Variants in LRRIQ1 observed in about 807,000 individuals in gnomAD.
LRRIQ1 encodes the protein leucine-rich repeat- and IQ domain-containing protein 1.
LRRIQ1 carries 210 observed loss-of-function variants against 211.9 expected under a neutral mutation model. That is an observed-to-expected ratio of 0.99 (90% CI 0.89 to 1.11). LRRIQ1 has a LOEUF of 1.11. LRRIQ1 is among the 50% of genes most tolerant of loss of function. LRRIQ1 has a pLI of 0.00. For missense variants in LRRIQ1, 2,136 were observed against 1,939.5 expected (o/e 1.10, Z -1.90); for synonymous variants, 699 against 650.1 (o/e 1.08, Z -1.14).
chr12:85,225,161 A>G (rs1459169045), intron 24 of LRRIQ1, among the ~76,000 whole-genome samples: 1 of 152,104 alleles, frequency 6.6e-6, no homozygotes, highest in Non-Finnish European at 1.5e-5. Flanking sequence ...TCCTAAAAAA[A>G]TTAGTATAAC....
At chr12:85,156,031 A>C (rs1348745472) in intron 23 of LRRIQ1, among the ~76,000 whole-genome samples, 1 of 151,704 alleles carries the variant, frequency 6.6e-6, no homozygotes, top group East Asian at 1.9e-4. Flanking sequence ...CCAGACATCC[A>C]GCTTAATGAC....
At chr12:85,144,948 GT>G (rs1027031691) in intron 19 of LRRIQ1, among the ~76,000 whole-genome samples, 13 of 150,554 alleles carry the variant, frequency 8.6e-5, no homozygotes, top group African/African-American at 2.7e-4. Flanking sequence ...TTTGTTTTTT[GT>G]TTTTTTGTTT....
At chr12:85,143,813 C>T (rs1237568486) in intron 19 of LRRIQ1, among the ~76,000 whole-genome samples, 4 of 151,536 alleles carry the variant, frequency 2.6e-5, no homozygotes, top group African/African-American at 7.3e-5. Context: ...ATACCTGGAT[C>T]ACTTGCAGAT....
intron 24 of LRRIQ1, among the ~76,000 whole-genome samples, chr12:85,163,481 G>T (rs570053030): frequency 6.6e-6 from 1 of 152,160 alleles, no homozygotes; most frequent in South Asian, 2.1e-4. Flanking sequence ...TGTTGAAATT[G>T]GATCATACTG....
chr12:85,252,721 T>C (rs1018084019), intron 1 of LRRIQ1, among the ~76,000 whole-genome samples: 2 of 151,828 alleles, frequency 1.3e-5, no homozygotes, highest in Non-Finnish European at 2.9e-5. Flanking sequence ...AGTATATTAA[T>C]GGACCAAAAT....
At chr12:85,183,856 A>G (rs1383516850) in intron 24 of LRRIQ1, among the ~76,000 whole-genome samples, 1 of 152,094 alleles carries the variant, frequency 6.6e-6, no homozygotes, top group African/African-American at 2.4e-5. Flanking sequence ...TTGTTTGTTT[A>G]CTGTTATACT....
intron 19 of LRRIQ1, 114 bp from the exon 20 acceptor site, chr12:85,152,166 A>G: frequency 2.6e-6 from 2 of 772,998 alleles, no homozygotes; most frequent in African/African-American, 3.6e-5. Flanking sequence ...AATTTCCTGT[A>G]AATAAAAATT....
chr12:85,183,148 A>G (rs1892066270), intron 24 of LRRIQ1, among the ~76,000 whole-genome samples: 1 of 152,186 alleles, frequency 6.6e-6, no homozygotes, highest in African/African-American at 2.4e-5. Flanking sequence ...GTAGAATAAA[A>G]CAATTTCTTA....
At chr12:85,067,671 C>T (rs1882587621) in intron 10 of LRRIQ1, among the ~76,000 whole-genome samples, 1 of 151,768 alleles carries the variant, frequency 6.6e-6, no homozygotes, top group African/African-American at 2.4e-5. Context: ...TGTACCACTA[C>T]AGTCAACCAG....
chr12:85,061,510 G>A (rs1208622748), intron 8 of LRRIQ1, among the ~76,000 whole-genome samples: 1 of 151,644 alleles, frequency 6.6e-6, no homozygotes, highest in Non-Finnish European at 1.5e-5. Context: ...ACTATAATAA[G>A]ATTAAAGGAC....
At chr12:85,070,360 A>G (rs995925355) in intron 10 of LRRIQ1, among the ~76,000 whole-genome samples, 19 of 152,000 alleles carry the variant, frequency 1.3e-4, no homozygotes, top group African/African-American at 4.3e-4. Context: ...ACCTGGATCA[A>G]TTAATGCAGC....
chr12:85,164,333 G>T (rs758140424), intron 24 of LRRIQ1, among the ~76,000 whole-genome samples: 1 of 152,182 alleles, frequency 6.6e-6, no homozygotes, highest in South Asian at 2.1e-4. Flanking sequence ...TGTCTTTATC[G>T]TTTATTAGCT....
intron 15 of LRRIQ1, among the ~76,000 whole-genome samples, chr12:85,112,304 C>A (rs1887234457): frequency 6.6e-6 from 1 of 151,468 alleles, no homozygotes; most frequent in Non-Finnish European, 1.5e-5. Flanking sequence ...ATTATTTCCT[C>A]TCTTTTATTT....
chr12:85,197,433 G>A (rs1434886988), intron 24 of LRRIQ1, among the ~76,000 whole-genome samples: 3 of 151,310 alleles, frequency 2.0e-5, no homozygotes, highest in African/African-American at 4.8e-5. Context: ...CAACCCAAAT[G>A]TCCAACAATG....
chr12:85,228,540 C>A (rs1894780921), intron 24 of LRRIQ1, among the ~76,000 whole-genome samples: 2 of 152,302 alleles, frequency 1.3e-5, no homozygotes, highest in South Asian at 4.1e-4. Context: ...AGATTTTACG[C>A]TTTCCAGAGA....
chr12:85,056,264 C>G lies in LRRIQ1; in HGVS notation c.1471C>G (p.Arg491Gly). The stretch of plus-strand genomic sequence containing the variant: ...AAAAAATGAAAACCTAGCAAAAAAA[C>G]GATGTTCAGAAGAATTGGTCAAGCA... The part of the protein sequence containing the change: ...EEKNENLAKK[R>G]CSEELVKQER... Residue 491 changes from arginine (R) to glycine (G), a missense_variant, in exon 8 of 27, where the codon CGA becomes GGA. By Grantham distance (125) the Arg-to-Gly change is moderately radical. Transcript: ENST00000393217. 1 of 1,569,582 alleles carries G rather than the reference C, an allele frequency of 6.4e-7. No individual in the cohort carries two copies. Among genetic ancestry groups the G allele is most frequent in the Admixed American group, 2.1e-5 (1 of 47,162 alleles).
At chr12:85,214,161 A>G (rs904810833) in intron 24 of LRRIQ1, among the ~76,000 whole-genome samples, 1 of 152,034 alleles carries the variant, frequency 6.6e-6, no homozygotes, top group African/African-American at 2.4e-5. Context: ...AATATTGAAG[A>G]TACATCTAAC....
At chr12:85,137,814 A>G (rs772243986) in intron 18 of LRRIQ1, 36 bp from the exon 19 acceptor site, 6 of 1,540,376 alleles carry the variant, frequency 3.9e-6, no homozygotes, top group Admixed American at 4.4e-5. Context: ...GGTTTGATCT[A>G]TAACTTTGTA....
intron 24 of LRRIQ1, among the ~76,000 whole-genome samples, chr12:85,188,940 C>T (rs1892357602): frequency 6.6e-6 from 1 of 152,086 alleles, no homozygotes; most frequent in Non-Finnish European, 1.5e-5. Context: ...ATGAAGAAAT[C>T]AGGTTCAGCA....
Sources: gnomAD v4.1 joint callset for allele counts (sites outside exome capture counted in the v4.1 genomes callset) on GRCh38, gnomAD v4.1.1 for gene constraint, MANE v1.5 for transcripts, NCBI Gene and HGNC (gene_info 2026-07-23, HGNC 2026-07-21) for gene names.